RCC1L: variants seen among roughly 807,000 people sequenced by gnomAD.
The protein encoded by RCC1L is RCC1 like, also known as RCC1-like G exchanging factor-like protein.
A neutral mutation model predicts 58.6 loss-of-function variants in RCC1L; 46 were observed. The observed-to-expected ratio is 0.79, with a 90% CI of 0.62 to 1.00. The LOEUF (loss-of-function observed/expected upper bound fraction) is 1.00, where lower values mean the gene tolerates loss of function less well. Ranked by LOEUF, RCC1L falls within the 50% of genes least tolerant of loss-of-function variation. The probability of loss-of-function intolerance (pLI) is 0.00; values close to 1 mark genes in which losing one functional copy is unlikely to be tolerated. For synonymous variants in RCC1L, 281 were observed against 262.9 expected (o/e 1.07, Z -0.67); for missense variants, 636 against 623.6 (o/e 1.02, Z -0.21).
In RCC1L at chr7:75,058,851, G is replaced by C. The variant is rs1001184024; in HGVS notation, c.788-82C>G. On this transcript the variant is annotated intron_variant, in intron 6 of 10. Transcript: ENST00000610322. ...GCAGACTTACTATATGCCAAGTGCA[G>C]TTTTAAGCACTTAACAAGTATCAGC... 7.3e-6 allele frequency: 11 copies of C among 1,503,926 alleles called. No homozygotes were observed. The South Asian group carries it at 1.0e-4, about 14-fold the overall frequency. The allele number at this position is 1,503,926 out of a possible 1,614,324, so 93.2% of individuals were successfully genotyped here. A position where few individuals can be genotyped will look rare whatever the true frequency, so the allele number is the denominator to read the frequency against.
intron 3 of RCC1L, among the ~76,000 whole-genome samples, chr7:75,065,745 T>C (rs959823671): frequency 2.0e-5 from 3 of 152,008 alleles, no homozygotes; most frequent in South Asian, 4.1e-4. Context: ...CGGCCGGGCA[T>C]AGTGGGTCAC....
intron 3 of RCC1L, among the ~76,000 whole-genome samples, chr7:75,066,239 C>G (rs1485495001): frequency 1.3e-5 from 2 of 152,052 alleles, no homozygotes; most frequent in Non-Finnish European, 2.9e-5. Flanking sequence ...ATCACGAGGT[C>G]AGGAGATTGA....
exon 11 of RCC1L, chr7:75,027,948 G>T: frequency 1.4e-6 from 2 of 1,409,390 alleles, no homozygotes; most frequent in Non-Finnish European, 1.9e-6. Flanking sequence ...GACCCCACTT[G>T]GAGGGGCATG....
chr7:75,063,810 T>C, intron 4 of RCC1L, among the ~76,000 whole-genome samples: 1 of 151,820 alleles, frequency 6.6e-6, no homozygotes, highest in Admixed American at 6.6e-5. Context: ...ATCCCAGCTA[T>C]TCGGGAGGCT....
chr7:75,068,994 G>A (rs936265544), intron 2 of RCC1L, among the ~76,000 whole-genome samples: 12 of 151,758 alleles, frequency 7.9e-5, no homozygotes, highest in Non-Finnish European at 2.9e-5. Flanking sequence ...CCAGCCTCCC[G>A]AATAGCTGGG....
rs1481696548 is a variant in RCC1L, at chr7:75,049,179, C to T, written c.1317+3532G>A. Among the ~76,000 whole-genome samples, 3 of 152,106 alleles carry T rather than the reference C, an allele frequency of 2.0e-5. 1 individual carries two copies. Among genetic ancestry groups the T allele is most frequent in the South Asian group, 4.1e-4 (2 of 4,822 alleles). ...TTTAAATGATGTAATATATCCCCTA[C>T]GGAAGATTAATTTGAACATAGTTGT... On this transcript the variant is annotated intron_variant, in intron 10 of 10. Coordinates refer to ENST00000610322, the MANE Select transcript of RCC1L (RefSeq NM_030798.5).
intron 10 of RCC1L, among the ~76,000 whole-genome samples, chr7:75,031,552 G>GT (rs1563068557): frequency 6.6e-6 from 1 of 151,978 alleles, no homozygotes; most frequent in Non-Finnish European, 1.5e-5. Context: ...TGGCCGTCTG[G>GT]TTTTTTGCTG....
At chr7:75,029,486 G>A (rs1314662089) in intron 10 of RCC1L, among the ~76,000 whole-genome samples, 1 of 151,628 alleles carries the variant, frequency 6.6e-6, no homozygotes, top group African/African-American at 2.4e-5. Flanking sequence ...TGGGATTACA[G>A]GCACCCACCA....
rs1805955179 is a variant in RCC1L, at chr7:75,052,803, A to C, written c.1232-7T>G. On this transcript the variant is annotated splice_polypyrimidine_tract_variant and splice_region_variant and intron_variant, in intron 9 of 10. Coordinates refer to ENST00000610322, the MANE Select transcript of RCC1L (RefSeq NM_030798.5). ...ACAAACAGCTCTCCTTTGTCTGCAA[A>C]GGGAGGAAAACAGGGGTTGGTTGGG... 2 of 1,611,560 alleles carry C rather than the reference A, an allele frequency of 1.2e-6. No individual in the cohort carries two copies. Among genetic ancestry groups the C allele is most frequent in the Non-Finnish European group, 1.7e-6 (2 of 1,179,096 alleles).
chr7:75,048,897 C>G (rs1290342342), intron 10 of RCC1L, among the ~76,000 whole-genome samples: 1 of 152,224 alleles, frequency 6.6e-6, no homozygotes, highest in East Asian at 1.9e-4. Context: ...AATCCTGGCT[C>G]TGACTCCAAC....
At chr7:75,062,777 C>T (rs1026964671) in intron 5 of RCC1L, among the ~76,000 whole-genome samples, 4 of 152,064 alleles carry the variant, frequency 2.6e-5, no homozygotes, top group Non-Finnish European at 5.9e-5. Context: ...AACTTGTTCA[C>T]TCACTAGAGT....
chr7:75,064,345 AAT>A (rs1390337032), intron 4 of RCC1L, among the ~76,000 whole-genome samples: 1 of 134,686 alleles, frequency 7.4e-6, no homozygotes, highest in East Asian at 2.5e-4. Flanking sequence ...AAAAAAAAAA[AAT>A]TTATCCGGAG....
Position 75,073,511 on chromosome 7 carries a change from G to A in RCC1L, c.227C>T (p.Ser76Phe), listed in dbSNP as rs1806847937. 1.4e-6 allele frequency: 2 copies of A among 1,435,852 alleles called. No individual in the cohort carries two copies. Among genetic ancestry groups the A allele is most frequent in the Middle Eastern group, 1.8e-4 (1 of 5,414 alleles). The allele number at this position is 1,435,852 out of a possible 1,614,324, so 88.9% of individuals were successfully genotyped here. A position where few individuals can be genotyped will look rare whatever the true frequency, so the allele number is the denominator to read the frequency against. Residue 76 changes from serine (S) to phenylalanine (F), a missense_variant, in exon 1 of 11, where the codon TCC (serine) becomes TTC (phenylalanine). Ser to Phe is a radical substitution (Grantham distance 155, BLOSUM62 -2). Coordinates refer to ENST00000610322, the MANE Select transcript of RCC1L (RefSeq NM_030798.5). ...GGGCCCGGAGCTGGGCACCACAAAGGAAGGCACGCCCAGCGCCCCCGAGAA... is the reference window on the plus strand; with the variant it reads ...GGGCCCGGAGCTGGGCACCACAAAGAAAGGCACGCCCAGCGCCCCCGAGAA... ...FSFSGALGVP[S>F]FVVPSSGPGP...
chr7:75,055,569 T>G (rs1040265878), intron 9 of RCC1L: 20 of 374,438 alleles, frequency 5.3e-5, no homozygotes. Flanking sequence ...CACCCATGGA[T>G]CCGCCAAGCC....
chr7:75,052,338 C>G (rs1259981678), intron 10 of RCC1L, among the ~76,000 whole-genome samples: 5 of 152,180 alleles, frequency 3.3e-5, no homozygotes, highest in Non-Finnish European at 7.3e-5. Flanking sequence ...CATCGTGCCT[C>G]TGTTTCCCCG....
At position 75,073,741 on chromosome 7, in the gene RCC1L, C is replaced by T. The variant is rs1554446599; in HGVS notation, c.-4G>A. 1 of 1,499,396 alleles carries T rather than the reference C, an allele frequency of 6.7e-7. No individual in the cohort carries two copies. The highest frequency in any genetic ancestry group is 2.6e-5 in the East Asian group (1 of 38,644). The allele number at this position is 1,499,396 out of a possible 1,614,324, so 92.9% of individuals were successfully genotyped here. A position where few individuals can be genotyped will look rare whatever the true frequency, so the allele number is the denominator to read the frequency against. ...CCACCAACGCCACCAGCGCCATCCTCCGTTCCGCGCCTCAGCAGCCTCTGG... is the reference window on the plus strand; with the variant it reads ...CCACCAACGCCACCAGCGCCATCCTTCGTTCCGCGCCTCAGCAGCCTCTGG... On this transcript the variant is annotated 5_prime_UTR_variant, in exon 1 of 11. Coordinates refer to ENST00000610322, the MANE Select transcript of RCC1L (RefSeq NM_030798.5).
At chr7:75,055,645 C>G (rs1268013523) in intron 9 of RCC1L, 2 of 522,764 alleles carry the variant, frequency 3.8e-6, no homozygotes, top group Non-Finnish European at 7.0e-6. Flanking sequence ...CGGGTGCTCT[C>G]TTGAGAAAAT....
At chr7:75,040,992 C>T (rs962915495), downstream of RCC1L, among the ~76,000 whole-genome samples, 7 of 151,952 alleles carry the variant, frequency 4.6e-5, no homozygotes, top group African/African-American at 1.2e-4. Flanking sequence ...CCAAGGTGAG[C>T]GGATCACCTG....
Position 75,043,233 on chromosome 7 carries a change from CAGGAGACAGCTTGTCTCAGT to C in RCC1L, c.1318-144_1318-125del, listed in dbSNP as rs1300834175. On this transcript the variant is annotated intron_variant, in intron 10 of 10. Transcript: ENST00000610322. ...CTCAGTAGGAGACAGCTTGTCTCAG[CAGGAGACAGCTTGTCTCAGT>C]AGGAGACAGCTTCTCTGAGCCTCGG... 7.4e-4 allele frequency: 808 copies of C among 1,096,936 alleles called. 7 individuals are homozygous for C. In the African/African-American group the frequency reaches 8.7e-3, roughly 12 times the overall value. The allele number at this position is 1,096,936 out of a possible 1,614,324, so 68.0% of individuals were successfully genotyped here.
Sources: allele counts gnomAD v4.1 joint callset (sites outside exome capture counted in the v4.1 genomes callset), GRCh38; gene constraint gnomAD v4.1.1; transcripts MANE v1.5; gene names NCBI Gene and HGNC (gene_info 2026-07-23, HGNC 2026-07-21).